EML2: variants seen among roughly 807,000 people sequenced by gnomAD.
EML2 encodes echinoderm microtubule-associated protein-like 2.
EML2 carries 59 observed loss-of-function variants against 84.7 expected under a neutral mutation model. The ratio of observed to expected loss-of-function variants is 0.70; its 90% CI spans 0.56 to 0.86. The LOEUF is 0.86. Ranked by LOEUF, EML2 falls within the 40% of genes least tolerant of loss-of-function variation. The pLI, the probability that EML2 is intolerant of heterozygous loss-of-function variation, is 0.00. For synonymous variants in EML2, 352 were observed against 348.9 expected, an observed-to-expected ratio of 1.01 and a Z score of -0.10; for missense variants, 818 against 855.6, an observed-to-expected ratio of 0.96 and a Z score of 0.55.
At chr19:45,616,025 CAG>C in intron 15 of EML2, 136 bp from the exon 16 acceptor site, 1 of 696,574 alleles carries the variant, frequency 1.4e-6, no homozygotes. Flanking sequence ...GAAGGATACA[CAG>C]GCCTTTGGAG....
rs770524105 is a variant in EML2, at chr19:45,632,850, G to A, written c.510+11C>T. ...GCGAAGGGGCGGGGTTAGGGTGGGC[G>A]AAGGACTTACAGATTTGGAGAAGCC... On this transcript the variant is annotated intron_variant, in intron 6 of 18. Coordinates refer to ENST00000245925, the MANE Select transcript of EML2 (RefSeq NM_012155.4). The A allele has an allele frequency of 6.2e-7, 1 of 1,611,438 alleles. No individual in the cohort carries two copies.
At chr19:45,610,372 G>A (rs1395316861) in intron 18 of EML2, among the ~76,000 whole-genome samples, 2 of 151,422 alleles carry the variant, frequency 1.3e-5, no homozygotes, top group East Asian at 2.0e-4. Context: ...ACTCCAGCCT[G>A]GTGACAGAGT....
upstream of EML2, chr19:45,642,568 GC>G: frequency 7.4e-7 from 1 of 1,347,300 alleles, no homozygotes; most frequent in Non-Finnish European, 9.5e-7. Context: ...ACTCCTCTCT[GC>G]CACAGCGCGC....
rs144104945 is a variant in EML2 at position 45,634,454 on chromosome 19, C to T, written c.197G>A (p.Arg66Gln). The T allele has an allele frequency of 6.7e-3, 10,740 of 1,611,560 alleles. 45 individuals carry two copies. The highest frequency in any genetic ancestry group is 8.3e-3 in the Non-Finnish European group (9,794 of 1,179,264). ...KLEWVYGYRG[R>Q]DCRANLYLLP... is the part of the protein sequence containing the mutation. ...CAAATAAAGGTTGGCCCGGCAGTCT[C>T]GGCCACGGTAGCCATAGCTGGAGCC... Residue 66 changes from arginine to glutamine, a missense_variant, in exon 4 of 19, where the codon CGA becomes CAA. Physicochemically the swap from Arg to Gln is conservative, Grantham distance 43 (BLOSUM62 1). Transcript: ENST00000245925.
In EML2 at chr19:45,631,990, G is replaced by A. The variant is rs1973100990; in HGVS notation, c.510+871C>T. ...GCTCACTGCAAACTCCGCCTCCCAG[G>A]TTCAAGCAACTCTCTTGCCTCAGCC... is the stretch of plus-strand genomic sequence containing the variant. On this transcript the variant is annotated intron_variant, in intron 6 of 18. Transcript: ENST00000245925. Among the ~76,000 whole-genome samples the A allele has an allele frequency of 4.2e-5, 6 of 143,660 alleles. No homozygotes were observed. In the South Asian group the frequency reaches 1.4e-3, roughly 32 times the overall value. 94.2% of individuals were successfully genotyped at this position (143,660 alleles called of 152,430 possible).
At chr19:45,611,025 G>A (rs1970439266) in intron 18 of EML2, among the ~76,000 whole-genome samples, 1 of 152,120 alleles carries the variant, frequency 6.6e-6, no homozygotes, top group African/African-American at 2.4e-5. Flanking sequence ...CCAGTCTGGG[G>A]CACATCAGGG....
Position 45,614,282 on chromosome 19 carries a change from A to G in EML2, c.1693+323T>C, listed in dbSNP as rs146876839. On this transcript the variant is annotated intron_variant, in intron 17 of 18. Transcript: ENST00000245925. ...CCACAGGAGAGCAGGGCCGTCAGTC[A>G]TGGTCACTGCCAAGCCCACGGCAGG... Among the ~76,000 whole-genome samples, 1,348 of 152,316 alleles carry G rather than the reference A, an allele frequency of 8.9e-3. 30 individuals are homozygous for G. The highest frequency in any genetic ancestry group is 8.2e-3 in the Non-Finnish European group (556 of 68,028).
chr19:45,641,693 G>T (rs1294506054), upstream of EML2: 3 of 1,535,998 alleles, frequency 2.0e-6, no homozygotes, highest in Non-Finnish European at 2.6e-6. Context: ...CGGCTGCGGG[G>T]GTCCTCACGG....
intron 9 of EML2, among the ~76,000 whole-genome samples, chr19:45,621,905 T>C (rs11083774): frequency 0.63 from 95,918 of 151,832 alleles, 32,322 homozygotes; most frequent in African/African-American, 0.87. Context: ...CCACCATGCC[T>C]GGCGAATTTT....
chr19:45,643,685 C>T, upstream of EML2: 1 of 1,535,720 alleles, frequency 6.5e-7, no homozygotes, highest in Non-Finnish European at 8.7e-7. Context: ...CCCTGCCATC[C>T]CGCGTCCACA....
At chr19:45,634,511 T>C (rs1389831572) in intron 3 of EML2, 40 bp from the exon 4 acceptor site, 10 of 1,418,236 alleles carry the variant, frequency 7.1e-6, no homozygotes, top group Non-Finnish European at 7.4e-6. Context: ...TGTGTTTTGT[T>C]GTTGTTGTTT....
intron 8 of EML2, among the ~76,000 whole-genome samples, chr19:45,625,957 C>T (rs1972265568): frequency 6.6e-6 from 1 of 152,000 alleles, no homozygotes; most frequent in Non-Finnish European, 1.5e-5. Flanking sequence ...TGGCTCATTG[C>T]AGTCAACCTC....
chr19:45,620,085 C>T (rs1473251370), intron 11 of EML2, among the ~76,000 whole-genome samples: 1 of 151,934 alleles, frequency 6.6e-6, no homozygotes, highest in Admixed American at 6.6e-5. Context: ...AATGTGGTCA[C>T]AAAATGGAAA....
chr19:45,615,519 AAAT>A (rs56322389), intron 16 of EML2, among the ~76,000 whole-genome samples: 14,194 of 139,032 alleles, frequency 0.1, 1,711 homozygotes, highest in African/African-American at 0.29. Flanking sequence ...CTCCGTCTCA[AAAT>A]AATAATAATA....
chr19:45,638,344 C>G (rs957965966), intron 3 of EML2, among the ~76,000 whole-genome samples, 161 bp downstream of exon 3: 1 of 152,184 alleles, frequency 6.6e-6, no homozygotes, highest in Non-Finnish European at 1.5e-5. Flanking sequence ...AGCCCTTGAA[C>G]GTGCTGTGCT....
chr19:45,637,492 T>TTTTC (rs1568486067), intron 3 of EML2, among the ~76,000 whole-genome samples: 1 of 143,608 alleles, frequency 7.0e-6, no homozygotes, highest in African/African-American at 2.6e-5. Flanking sequence ...TTTTTTTTTT[T>TTTTC]TTTGAGAAAG....
intron 18 of EML2, 114 bp from the exon 19 acceptor site, chr19:45,609,902 TA>T (rs1970309105): frequency 1.7e-6 from 2 of 1,194,220 alleles, no homozygotes; most frequent in Non-Finnish European, 2.3e-6. Flanking sequence ...TTTTTTTTTT[TA>T]ATCACTTAGA....
rs772027997 is a variant in EML2, at chr19:45,638,961, CG to C, written c.21-89del. The C allele has an allele frequency of 2.7e-6, 4 of 1,505,122 alleles. No individual in the cohort carries two copies. In the Admixed American group the frequency reaches 6.9e-5, roughly 26 times the overall value. 93.2% of individuals were successfully genotyped at this position (1,505,122 alleles called of 1,614,324 possible). A position where few individuals can be genotyped will look rare whatever the true frequency, so the allele number is the denominator to read the frequency against. On this transcript the variant is annotated intron_variant, in intron 1 of 18. Coordinates refer to ENST00000245925, the MANE Select transcript of EML2 (RefSeq NM_012155.4). ...CCATTCCTCCACCCCCACCGCTCCC[CG>C]GAGGTCTCCGATGAAAACGGGGCCG...
intron 18 of EML2, among the ~76,000 whole-genome samples, chr19:45,611,671 A>T (rs917479177): frequency 9.2e-5 from 14 of 151,916 alleles, no homozygotes; most frequent in African/African-American, 3.1e-4. Flanking sequence ...CATTTTTAGT[A>T]AAGACGGGGT....
Sources: gnomAD v4.1 joint callset for allele counts (sites outside exome capture counted in the v4.1 genomes callset) on GRCh38, gnomAD v4.1.1 for gene constraint, MANE v1.5 for transcripts, NCBI Gene and HGNC (gene_info 2026-07-23, HGNC 2026-07-21) for gene names.